The following CEP15 variants were observed in gnomAD, a reference collection of about 807,000 sequenced individuals.
CEP15 encodes centrosomal protein 15 kDa.
At chr3:62,333,446 T>C in the CEP15 span, 4 of 1,554,606 alleles carry the variant, frequency 2.6e-6, no homozygotes, top group Admixed American at 3.9e-5. The surrounding 1 kb of genome is among the most constrained non-coding windows in gnomAD (Gnocchi z 4.0). Flanking sequence ...TTAAGGTGTA[T>C]GTAGGTTATT....
At chr3:62,330,639 G>A in the CEP15 span, among the ~76,000 whole-genome samples, 1 of 152,012 alleles carries the variant, frequency 6.6e-6, no homozygotes, top group South Asian at 2.1e-4. Context: ...ATTAAAGCAT[G>A]GTGCTTGAAT....
chr3:62,320,499 C>A, the CEP15 span: 1 of 1,611,740 alleles, frequency 6.2e-7, no homozygotes, highest in East Asian at 2.2e-5. Flanking sequence ...TCAAGAAATT[C>A]GCCTTTCTAA....
At chr3:62,322,825 T>C in the CEP15 span, among the ~76,000 whole-genome samples, 3 of 152,166 alleles carry the variant, frequency 2.0e-5, no homozygotes, top group African/African-American at 7.2e-5. The surrounding 1 kb of genome is among the most constrained non-coding windows in gnomAD (Gnocchi z 5.5). Context: ...AGGCATGATA[T>C]AGTTATCTTC....
chr3:62,321,419 A>T, the CEP15 span, among the ~76,000 whole-genome samples: 1 of 152,196 alleles, frequency 6.6e-6, no homozygotes, highest in Non-Finnish European at 1.5e-5. The surrounding 1 kb of genome is among the most constrained non-coding windows in gnomAD (Gnocchi z 4.1). Context: ...TTGGAAAAAG[A>T]GGGAAAAAAT....
At chr3:62,321,136 C>G in the CEP15 span, among the ~76,000 whole-genome samples, 19 of 152,262 alleles carry the variant, frequency 1.2e-4, no homozygotes, top group Non-Finnish European at 2.8e-4. The surrounding 1 kb of genome is among the most constrained non-coding windows in gnomAD (Gnocchi z 4.1). Flanking sequence ...TTCTTGAGAA[C>G]CTCCACAACT....
At chr3:62,334,392 C>T in the CEP15 span, 2 of 152,164 alleles carry the variant, frequency 1.3e-5, no homozygotes, top group South Asian at 2.1e-4. The surrounding 1 kb of genome is among the most constrained non-coding windows in gnomAD (Gnocchi z 4.9). Flanking sequence ...AAGCTAAATA[C>T]ACAGCAACAA....
chr3:62,330,011 T>A, the CEP15 span, among the ~76,000 whole-genome samples: 2 of 152,184 alleles, frequency 1.3e-5, no homozygotes, highest in African/African-American at 2.4e-5. Flanking sequence ...TAACTTCCGG[T>A]ATGGGATAGA....
chr3:62,330,380 G>C, the CEP15 span, among the ~76,000 whole-genome samples: 1 of 152,120 alleles, frequency 6.6e-6, no homozygotes, highest in African/African-American at 2.4e-5. Context: ...TATATGGCCT[G>C]TGACCAAGGC....
chr3:62,324,766 A>G, the CEP15 span, among the ~76,000 whole-genome samples: 6 of 152,192 alleles, frequency 3.9e-5, no homozygotes, highest in Admixed American at 3.9e-4. Flanking sequence ...AAATGGTTCC[A>G]ATAAAACTTG....
chr3:62,323,180 A>G, the CEP15 span, among the ~76,000 whole-genome samples: 1 of 152,226 alleles, frequency 6.6e-6, no homozygotes, highest in African/African-American at 2.4e-5. Flanking sequence ...TTCTGGGCAG[A>G]AAGTAGGGAC....
chr3:62,320,588 G>A, the CEP15 span: 1 of 1,265,438 alleles, frequency 7.9e-7, no homozygotes, highest in Non-Finnish European at 1.1e-6. Context: ...GTGAAATATT[G>A]TATACACAGG....
At chr3:62,334,848 A>C in the CEP15 span, 1 of 152,078 alleles carries the variant, frequency 6.6e-6, no homozygotes, top group African/African-American at 2.4e-5. This position sits in a 1 kb window ranked among gnomAD's most constrained non-coding sequence, Gnocchi z 4.9. Flanking sequence ...TTGATTTAGC[A>C]GGAGAATGCA....
chr3:62,325,850 C>A, the CEP15 span, among the ~76,000 whole-genome samples: 1 of 151,942 alleles, frequency 6.6e-6, no homozygotes, highest in Admixed American at 6.6e-5. Context: ...ATGGTGAAAC[C>A]CCGTCTCTAC....
At chr3:62,321,387 A>G in the CEP15 span, among the ~76,000 whole-genome samples, 1 of 152,154 alleles carries the variant, frequency 6.6e-6, no homozygotes, top group Non-Finnish European at 1.5e-5. The surrounding 1 kb of genome is among the most constrained non-coding windows in gnomAD (Gnocchi z 4.1). Flanking sequence ...TCTCACTCAT[A>G]TATCAAACCA....
chr3:62,333,119 A>T, the CEP15 span: 1 of 720,826 alleles, frequency 1.4e-6, no homozygotes. The surrounding 1 kb of genome is among the most constrained non-coding windows in gnomAD (Gnocchi z 4.0). Flanking sequence ...GAGGAAATGC[A>T]TTCTACATAT....
At chr3:62,329,287 C>G in the CEP15 span, among the ~76,000 whole-genome samples, 1 of 152,090 alleles carries the variant, frequency 6.6e-6, no homozygotes, top group Non-Finnish European at 1.5e-5. Flanking sequence ...ATTGTTCATT[C>G]ATTATATCCA....
the CEP15 span, among the ~76,000 whole-genome samples, chr3:62,328,009 T>C: frequency 6.6e-6 from 1 of 152,198 alleles, no homozygotes; most frequent in Admixed American, 6.5e-5. Context: ...TATGATGTGA[T>C]AAGTTATTCC....
the CEP15 span, among the ~76,000 whole-genome samples, chr3:62,323,325 CAAA>C: frequency 6.6e-6 from 1 of 152,016 alleles, no homozygotes; most frequent in African/African-American, 2.4e-5. Context: ...TAGAATATTC[CAAA>C]AGGTCTCAGA....
the CEP15 span, chr3:62,331,344 A>G: frequency 6.2e-7 from 1 of 1,612,990 alleles, no homozygotes. Flanking sequence ...GCAGCAGAAA[A>G]GTCACTACAG....
Sources: allele counts gnomAD v4.1 joint callset (sites outside exome capture counted in the v4.1 genomes callset), GRCh38; gene constraint gnomAD v4.1.1; non-coding constraint Gnocchi (gnomAD v3.1); transcripts MANE v1.5; gene names NCBI Gene and HGNC (gene_info 2026-07-23, HGNC 2026-07-21).